The following EML6 variants were observed in gnomAD, a reference collection of about 807,000 sequenced individuals.
EML6 encodes EMAP like 6.
In EML6, 154 loss-of-function variants were observed where a neutral mutation model predicts 240.1. That is an observed-to-expected ratio of 0.64 (90% CI 0.56 to 0.73). The LOEUF is 0.73. Ranked by LOEUF, EML6 falls within the 30% of genes least tolerant of loss-of-function variation. EML6 has a pLI of 0.00. For synonymous variants in EML6, 1,148 were observed against 899.0 expected (o/e 1.28, Z -4.95); for missense variants, 2,964 against 2,474.6 (o/e 1.20, Z -4.20).
chr2:54,870,205 C>T (rs1671179406), intron 15 of EML6, among the ~76,000 whole-genome samples: 1 of 152,106 alleles, frequency 6.6e-6, no homozygotes. Flanking sequence ...GTGGTAAAGC[C>T]TTTGGACAGA....
intron 18 of EML6, among the ~76,000 whole-genome samples, chr2:54,891,411 A>T (rs1291862495): frequency 6.6e-6 from 1 of 152,222 alleles, no homozygotes; most frequent in African/African-American, 2.4e-5. Flanking sequence ...ATATTTAGTC[A>T]TCTGTTCTGA....
chr2:54,879,880 C>A (rs973803061), intron 17 of EML6: 8 of 497,862 alleles, frequency 1.6e-5, no homozygotes, highest in African/African-American at 1.6e-4. Flanking sequence ...TCATTCACCG[C>A]TTCATTTTGA....
chr2:54,819,403 A>T lies in EML6; in HGVS notation c.457-991A>T, dbSNP rs146501542. Among the ~76,000 whole-genome samples the T allele has an allele frequency of 1.6e-3, 240 of 152,288 alleles. 2 individuals are homozygous for T. Among genetic ancestry groups the T allele is most frequent in the African/African-American group, 5.4e-3 (223 of 41,552 alleles). On this transcript the variant is annotated intron_variant, in intron 4 of 41. Transcript: ENST00000356458. ...TTAAGCAATTGCTATGGGCAATTTG[A>T]TTCTCAGGATTGACCTTTTCCTTCT...
intron 5 of EML6, 43 bp downstream of exon 5, chr2:54,820,505 T>C: frequency 1.7e-6 from 2 of 1,158,656 alleles, no homozygotes; most frequent in Non-Finnish European, 2.5e-6. Flanking sequence ...TGAGTGCAAA[T>C]AATTTTAGGT....
At chr2:54,727,444 T>G (rs1682960063) in intron 2 of EML6, among the ~76,000 whole-genome samples, 1 of 152,254 alleles carries the variant, frequency 6.6e-6, no homozygotes, top group Non-Finnish European at 1.5e-5. Context: ...TTGGAATGTT[T>G]ATGCTGTTCT....
intron 4 of EML6, among the ~76,000 whole-genome samples, chr2:54,818,063 C>T (rs1668157686): frequency 6.6e-6 from 1 of 152,160 alleles, no homozygotes; most frequent in Admixed American, 6.5e-5. Context: ...CTGAGTTACT[C>T]TGCATTTACT....
chr2:54,941,273 C>T (rs1226621133), intron 28 of EML6, among the ~76,000 whole-genome samples: 2 of 152,096 alleles, frequency 1.3e-5, no homozygotes, highest in Non-Finnish European at 2.9e-5. Flanking sequence ...CATTCAAAAT[C>T]CTCTCTTCTG....
At chr2:54,925,975 CTT>C (rs1674521524) in intron 26 of EML6, among the ~76,000 whole-genome samples, 1 of 152,150 alleles carries the variant, frequency 6.6e-6, no homozygotes, top group Non-Finnish European at 1.5e-5. Context: ...CAGAGAGAAA[CTT>C]TGCATGGAAA....
At chr2:54,768,937 G>A (rs1668298599) in intron 2 of EML6, among the ~76,000 whole-genome samples, 1 of 151,962 alleles carries the variant, frequency 6.6e-6, no homozygotes, top group African/African-American at 2.4e-5. Flanking sequence ...TCATGTTCAT[G>A]TCTGCATAGT....
chr2:54,944,624 T>TA (rs1389717462), intron 28 of EML6, among the ~76,000 whole-genome samples: 5 of 152,130 alleles, frequency 3.3e-5, no homozygotes, highest in Admixed American at 3.3e-4. Flanking sequence ...TCTAAGACGA[T>TA]ATCCCCATTT....
intron 2 of EML6, among the ~76,000 whole-genome samples, chr2:54,748,928 G>A (rs531877494): frequency 1.3e-5 from 2 of 152,226 alleles, no homozygotes; most frequent in African/African-American, 4.8e-5. Context: ...CATATCGATG[G>A]ACATTTAGAT....
chr2:54,937,388 T>C (rs768613406), intron 28 of EML6, among the ~76,000 whole-genome samples: 26 of 151,490 alleles, frequency 1.7e-4, no homozygotes, highest in Non-Finnish European at 3.8e-4. Context: ...CTGGACAATA[T>C]AGGGAGACCT....
At chr2:54,902,130 C>G (rs1673087784) in intron 22 of EML6, among the ~76,000 whole-genome samples, 1 of 152,130 alleles carries the variant, frequency 6.6e-6, no homozygotes, top group South Asian at 2.1e-4. Context: ...ATGAGGTCCT[C>G]TAAAGCAAGT....
At chr2:54,888,939 C>G (rs566784119) in intron 17 of EML6, among the ~76,000 whole-genome samples, 1 of 152,312 alleles carries the variant, frequency 6.6e-6, no homozygotes, top group South Asian at 2.1e-4. Context: ...AATTGCCAAA[C>G]TGTCTTTCAA....
chr2:54,902,488 C>G (rs1673110479), intron 22 of EML6, among the ~76,000 whole-genome samples: 1 of 152,204 alleles, frequency 6.6e-6, no homozygotes, highest in Non-Finnish European at 1.5e-5. Context: ...CACCCTCCAC[C>G]TCCAAAGCTC....
At chr2:54,840,796 AC>A (rs764141465) in intron 7 of EML6, among the ~76,000 whole-genome samples, 20 of 152,364 alleles carry the variant, frequency 1.3e-4, no homozygotes, top group Non-Finnish European at 1.9e-4. Context: ...CTCTTCACAG[AC>A]CTTTCTATTC....
intron 2 of EML6, among the ~76,000 whole-genome samples, chr2:54,798,807 C>A (rs1381155303): frequency 6.6e-6 from 1 of 152,108 alleles, no homozygotes; most frequent in Non-Finnish European, 1.5e-5. Flanking sequence ...ACTGCTAGGA[C>A]CTGCAGGCTA....
chr2:54,968,595 G>C (rs1573234133), intron 40 of EML6, 73 bp from the exon 41 acceptor site: 1 of 868,014 alleles, frequency 1.2e-6, no homozygotes. Flanking sequence ...GGGGATTTGA[G>C]TGCTGGAAGT....
chr2:54,903,003 A>T (rs372999969), intron 22 of EML6, 41 bp from the exon 23 acceptor site: 10 of 1,536,374 alleles, frequency 6.5e-6, no homozygotes, highest in Non-Finnish European at 8.8e-6. Flanking sequence ...CTTGACAGTG[A>T]AGTTTTGGAT....
Sources: allele counts gnomAD v4.1 joint callset (sites outside exome capture counted in the v4.1 genomes callset), GRCh38; gene constraint gnomAD v4.1.1; transcripts MANE v1.5; gene names NCBI Gene and HGNC (gene_info 2026-07-23, HGNC 2026-07-21).